GRIN1: variants seen among roughly 807,000 people sequenced by gnomAD.
The protein encoded by GRIN1 is glutamate receptor ionotropic, NMDA 1.
In GRIN1, 38 loss-of-function variants were observed where a neutral mutation model predicts 103.0. The ratio of observed to expected loss-of-function variants is 0.37; its 90% CI spans 0.28 to 0.48. GRIN1 has a LOEUF of 0.48. GRIN1 is among the 20% of genes least tolerant of loss of function. The pLI is 0.98. For synonymous variants in GRIN1, 544 were observed against 532.7 expected, an observed-to-expected ratio of 1.02 and a Z score of -0.29; for missense variants, 577 against 1,288.9, an observed-to-expected ratio of 0.45 and a Z score of 8.46.
At position 137,163,727 on chromosome 9, in the gene GRIN1, C is replaced by T. The variant is rs1833696527; in HGVS notation, c.2444-32C>T. 2.5e-6 allele frequency: 4 copies of T among 1,613,686 alleles called. No homozygotes were observed. In the East Asian group the frequency reaches 6.7e-5, roughly 27 times the overall value. The stretch of plus-strand genomic sequence containing the variant: ...CTCCGTGGGCTGCGGCCTCCCTGGC[C>T]AGCAACTGAGGCTCTGGGTCCCGGC... On this transcript the variant is annotated intron_variant, in intron 17 of 19. Transcript: ENST00000371561.
At chr9:137,141,009 G>A (rs1261119940) in intron 1 of GRIN1, among the ~76,000 whole-genome samples, 2 of 152,236 alleles carry the variant, frequency 1.3e-5, no homozygotes, top group Non-Finnish European at 2.9e-5. Context: ...TGGGACTGGG[G>A]AGGGACACGG....
At chr9:137,140,341 G>A (rs1424039870) in intron 1 of GRIN1, among the ~76,000 whole-genome samples, 1 of 152,156 alleles carries the variant, frequency 6.6e-6, no homozygotes, top group Non-Finnish European at 1.5e-5. Context: ...TTTGCCTGTC[G>A]GAGCTGTCCG....
At position 137,168,339 on chromosome 9, in the gene GRIN1, G is replaced by C. The variant is rs1833988605; in HGVS notation, c.*812G>C. The C allele has an allele frequency of 5.3e-6, 1 of 189,740 alleles. No homozygotes were observed. The highest frequency in any genetic ancestry group is 1.1e-5 in the Non-Finnish European group (1 of 93,424). 11.8% of individuals were successfully genotyped at this position (189,740 alleles called of 1,614,324 possible). A position where few individuals can be genotyped will look rare whatever the true frequency, so the allele number is the denominator to read the frequency against. On this transcript the variant is annotated 3_prime_UTR_variant, in exon 20 of 20. Transcript: ENST00000371561. ...TCTGCCCCTTGACCCCACACGCCGG[G>C]GCTGGCCCTGCCCTCCCCCACGGCC... is the stretch of plus-strand genomic sequence containing the variant.
rs766888803 is a variant in GRIN1, at chr9:137,157,026, G to T, written c.957G>T (p.Pro319=). The T allele has an allele frequency of 6.2e-7, 1 of 1,610,758 alleles. No homozygotes were observed. Among genetic ancestry groups the T allele is most frequent in the Non-Finnish European group, 8.5e-7 (1 of 1,179,280 alleles). The part of the protein sequence containing the change: ...VGNTNIWKTG[P]LFKRVLMSSK... ...ACACCAACATCTGGAAGACCGGGCC[G>T]CTCTTCAAGAGGTGGGCGGGGCCTC... Residue 319 remains proline, a synonymous_variant, in exon 6 of 20, where the codon CCG becomes CCT. Coordinates refer to ENST00000371561, the MANE Select transcript of GRIN1 (RefSeq NM_007327.4).
intron 1 of GRIN1, among the ~76,000 whole-genome samples, chr9:137,140,597 C>A (rs1298064812): frequency 6.6e-6 from 1 of 152,266 alleles, no homozygotes. Context: ...GATCCATTGA[C>A]ACCTGCTCAT....
At chr9:137,166,015 C>A (rs922330312) in intron 19 of GRIN1, among the ~76,000 whole-genome samples, 1 of 152,268 alleles carries the variant, frequency 6.6e-6, no homozygotes, top group South Asian at 2.1e-4. Flanking sequence ...GTGGCTCCCA[C>A]CCCAGGCTGA....
At chr9:137,152,740 A>C (rs567340917) in intron 4 of GRIN1, among the ~76,000 whole-genome samples, 1 of 152,260 alleles carries the variant, frequency 6.6e-6, no homozygotes, top group East Asian at 1.9e-4. Flanking sequence ...CACAGGAACC[A>C]CGTGCATACC....
intron 16 of GRIN1, 50 bp from the exon 17 acceptor site, chr9:137,163,497 CAGCTTGCTCCTT>C: frequency 7.4e-6 from 10 of 1,358,438 alleles, no homozygotes; most frequent in Non-Finnish European, 9.5e-6. Flanking sequence ...GCCCCGCCCC[CAGCTTGCTCCTT>C]CCCGTCCTGG....
At position 137,168,736 on chromosome 9, in the gene GRIN1, T is replaced by C; in HGVS notation, c.*1209T>C. 1.4e-6 allele frequency: 1 copy of C among 738,498 alleles called. No homozygotes were observed. The highest frequency in any genetic ancestry group is 6.9e-5 in the South Asian group (1 of 14,434). The allele number at this position is 738,498 out of a possible 1,614,324, so 45.7% of individuals were successfully genotyped here. ...CACCTCCCGGTGTATGCAGTGGTGA[T>C]GCCTAAAGGAATGTCACGCAGTTTT... is the stretch of plus-strand genomic sequence containing the variant. On this transcript the variant is annotated 3_prime_UTR_variant, in exon 20 of 20. Coordinates refer to ENST00000371561, the MANE Select transcript of GRIN1 (RefSeq NM_007327.4).
intron 2 of GRIN1, among the ~76,000 whole-genome samples, chr9:137,144,386 G>A (rs922499255): frequency 6.6e-6 from 1 of 151,638 alleles, no homozygotes; most frequent in East Asian, 2.0e-4. Flanking sequence ...CGGGCGCGGT[G>A]GCTCACGCCT....
In GRIN1 at chr9:137,139,869, G is replaced by C. The variant is rs1029434238; in HGVS notation, c.258+125G>C. 1.1e-5 allele frequency: 9 copies of C among 785,470 alleles called. 1 individual carries two copies. In the African/African-American group the frequency reaches 1.5e-4, roughly 13 times the overall value. 48.7% of individuals were successfully genotyped at this position (785,470 alleles called of 1,614,324 possible). A position where few individuals can be genotyped will look rare whatever the true frequency, so the allele number is the denominator to read the frequency against. ...GTAAGACACCACCCCAGAGTCAGCT[G>C]GCTGCTTCCGGGAGGCCTCGTCTCA... On this transcript the variant is annotated intron_variant, in intron 1 of 19. Coordinates refer to ENST00000371561, the MANE Select transcript of GRIN1 (RefSeq NM_007327.4). The surrounding 1 kb of genome is among the most constrained non-coding windows in gnomAD (Gnocchi z 7.7).
chr9:137,145,812 G>A lies in GRIN1; in HGVS notation c.480G>A (p.Trp160Ter). 1 of 1,613,390 alleles carries A rather than the reference G, an allele frequency of 6.2e-7. No individual in the cohort carries two copies. The highest frequency in any genetic ancestry group is 8.5e-7 in the Non-Finnish European group (1 of 1,179,556). The change falls in exon 3 of 20, where the codon TGG becomes TGA. Residue 160 changes from tryptophan (W) to a stop codon, truncating the protein, a stop_gained. Transcript: ENST00000371561. LOFTEE classifies it high-confidence loss of function. ...VWFEMMRVYS[W>*]NHIILLVSDD... is the part of the protein sequence containing the mutation. ...TTGAGATGATGCGTGTCTACAGCTG[G>A]AACCACATCATCCTGCTGGTCAGCG...
chr9:137,141,915 C>A, intron 1 of GRIN1, 98 bp from the exon 2 acceptor site: 9 of 1,282,104 alleles, frequency 7.0e-6, no homozygotes, highest in Non-Finnish European at 1.0e-5. Flanking sequence ...CCCCCCTTAG[C>A]CTGCTGGGTT....
intron 2 of GRIN1, among the ~76,000 whole-genome samples, chr9:137,142,355 TACAC>T (rs1315391558): frequency 6.6e-6 from 1 of 152,174 alleles, no homozygotes; most frequent in Non-Finnish European, 1.5e-5. Context: ...CATGTGCTCT[TACAC>T]ACACAATACA....
At chr9:137,144,484 C>T (rs1406610950) in intron 2 of GRIN1, among the ~76,000 whole-genome samples, 5 of 152,042 alleles carry the variant, frequency 3.3e-5, no homozygotes, top group Non-Finnish European at 7.4e-5. Flanking sequence ...GAAACCCCAT[C>T]TCCACTAAAA....
In GRIN1 at chr9:137,167,790, A is replaced by G; in HGVS notation, c.*263A>G. 6.2e-7 allele frequency: 1 copy of G among 1,612,160 alleles called. No homozygotes were observed. The highest frequency in any genetic ancestry group is 8.5e-7 in the Non-Finnish European group (1 of 1,179,580). ...ATTTTGCAGCAGTACCATCCCACTG[A>G]TATCACGGGCCCGCTCAACCTCTCA... is the stretch of plus-strand genomic sequence containing the variant. On this transcript the variant is annotated 3_prime_UTR_variant, in exon 20 of 20. Coordinates refer to ENST00000371561, the MANE Select transcript of GRIN1 (RefSeq NM_007327.4).
chr9:137,153,432 C>T (rs1019030577), intron 4 of GRIN1, among the ~76,000 whole-genome samples: 29 of 151,266 alleles, frequency 1.9e-4, no homozygotes, highest in Middle Eastern at 3.2e-3. Context: ...AATGTATGTA[C>T]GCACCATAGT....
chr9:137,150,598 T>C (rs1361768378), intron 4 of GRIN1, among the ~76,000 whole-genome samples: 97 of 62,396 alleles, frequency 1.6e-3, no homozygotes, highest in African/African-American at 2.1e-3. Context: ...CAGGGAAAGC[T>C]CCGCCCAGAT....
At chr9:137,159,819 G>A (rs139014032) in intron 8 of GRIN1, among the ~76,000 whole-genome samples, 171 of 152,302 alleles carry the variant, frequency 1.1e-3, no homozygotes, top group Non-Finnish European at 2.1e-3. Flanking sequence ...GCTGAGGGTG[G>A]GCGGGCCTGC....
Sources: gnomAD v4.1 joint callset for allele counts (sites outside exome capture counted in the v4.1 genomes callset) on GRCh38, gnomAD v4.1.1 for gene constraint, Gnocchi (gnomAD v3.1) non-coding constraint, MANE v1.5 for transcripts, NCBI Gene and HGNC (gene_info 2026-07-23, HGNC 2026-07-21) for gene names.